The following RAMP1 variants were observed in gnomAD, a reference collection of about 807,000 sequenced individuals.
RAMP1 encodes the protein receptor activity-modifying protein 1.
A neutral mutation model predicts 8.2 loss-of-function variants in RAMP1; 7 were observed. That is an observed-to-expected ratio of 0.85 (90% CI 0.49 to 1.60). The LOEUF (loss-of-function observed/expected upper bound fraction) is 1.60. Ranked by LOEUF, RAMP1 falls within the 40% of genes most tolerant of loss-of-function variation. RAMP1 has a pLI of 0.00. For missense variants in RAMP1, 192 were observed against 202.4 expected (o/e 0.95, Z 0.31); for synonymous variants, 92 against 84.7 (o/e 1.09, Z -0.47).
rs1028910633 is a variant in RAMP1, at chr2:237,862,858, G to C, written c.52+3131G>C. 6.6e-6 allele frequency among the ~76,000 whole-genome samples: 1 copy of C among 152,180 alleles called. No individual in the cohort carries two copies. Among genetic ancestry groups the C allele is most frequent in the Non-Finnish European group, 1.5e-5 (1 of 68,032 alleles). ...AGTCAGTGTTCTGCTGGAACCACGG[G>C]GAAAAGCTGCGTCTTTCCTCCAGGC... On this transcript the variant is annotated intron_variant, in intron 1 of 2. Coordinates refer to ENST00000254661, the MANE Select transcript of RAMP1 (RefSeq NM_005855.4). This position sits in a 1 kb window ranked among gnomAD's most constrained non-coding sequence, Gnocchi z 4.0.
chr2:237,880,102 G>A (rs187016885), intron 2 of RAMP1, among the ~76,000 whole-genome samples: 10 of 152,154 alleles, frequency 6.6e-5, no homozygotes, highest in East Asian at 3.9e-4. Flanking sequence ...TGGGGTCTGC[G>A]TTTGGCAGAA....
chr2:237,859,551 C>A (rs1362112205), upstream of RAMP1: 2 of 561,612 alleles, frequency 3.6e-6, no homozygotes, highest in African/African-American at 4.1e-5. Context: ...CGCGCGGCCG[C>A]CGCCTCCCAC....
chr2:237,898,866 C>CAGTAAGTGGCCA (rs2062570349), intron 2 of RAMP1, among the ~76,000 whole-genome samples: 2 of 152,330 alleles, frequency 1.3e-5, no homozygotes, highest in African/African-American at 4.8e-5. Flanking sequence ...GGAAGTGGCG[C>CAGTAAGTGGCCA]AGTAAGTGGC....
At chr2:237,871,600 G>A (rs771345144) in intron 1 of RAMP1, among the ~76,000 whole-genome samples, 2 of 151,988 alleles carry the variant, frequency 1.3e-5, no homozygotes, top group African/African-American at 4.8e-5. Flanking sequence ...ACCGCCCCCC[G>A]ACCCCAACTC....
chr2:237,880,299 G>A (rs1372036724), intron 2 of RAMP1, among the ~76,000 whole-genome samples: 1 of 152,208 alleles, frequency 6.6e-6, no homozygotes, highest in African/African-American at 2.4e-5. Flanking sequence ...TTGGCTACTG[G>A]AGAGCCTTCA....
At chr2:237,906,180 CA>C (rs993223360) in intron 2 of RAMP1, among the ~76,000 whole-genome samples, 3 of 152,162 alleles carry the variant, frequency 2.0e-5, no homozygotes, top group African/African-American at 7.2e-5. Flanking sequence ...GTCACGACTT[CA>C]TGTGGCTTTT....
In RAMP1 at chr2:237,881,544, G is replaced by A. The variant is rs150315020; in HGVS notation, c.191+4182G>A. On this transcript the variant is annotated intron_variant, in intron 2 of 2. Coordinates refer to ENST00000254661, the MANE Select transcript of RAMP1 (RefSeq NM_005855.4). ...GCCAGTTTGCATTCCCACCAGCAGCGTATGGGGTGCCCGTTTCCCCAGACC... is the reference window on the plus strand; with the variant it reads ...GCCAGTTTGCATTCCCACCAGCAGCATATGGGGTGCCCGTTTCCCCAGACC... 6.8e-3 allele frequency among the ~76,000 whole-genome samples: 1,037 copies of A among 152,354 alleles called. 16 individuals carry two copies. The highest frequency in any genetic ancestry group is 0.024 in the African/African-American group (984 of 41,580).
intron 2 of RAMP1, among the ~76,000 whole-genome samples, chr2:237,895,842 C>T (rs2062537208): frequency 6.6e-6 from 1 of 152,158 alleles, no homozygotes; most frequent in Non-Finnish European, 1.5e-5. Context: ...CCAAATATAG[C>T]TTGCCGGCTG....
intron 2 of RAMP1, among the ~76,000 whole-genome samples, chr2:237,909,528 G>A (rs2062688285): frequency 6.6e-6 from 1 of 152,132 alleles, no homozygotes; most frequent in African/African-American, 2.4e-5. Flanking sequence ...TGAGTCTCAG[G>A]GCTGTTCTGT....
chr2:237,880,334 A>G (rs1234959595), intron 2 of RAMP1, among the ~76,000 whole-genome samples: 1 of 152,170 alleles, frequency 6.6e-6, no homozygotes, highest in African/African-American at 2.4e-5. Context: ...TCCTTTCGAC[A>G]TTGCCCCTGG....
intron 2 of RAMP1, among the ~76,000 whole-genome samples, chr2:237,896,918 G>C (rs1205494375): frequency 6.6e-6 from 1 of 152,154 alleles, no homozygotes; most frequent in African/African-American, 2.4e-5. Context: ...CAAAGTGCTG[G>C]GGTTGCAGGC....
In RAMP1 at chr2:237,865,811, G is replaced by A. The variant is rs1026114051; in HGVS notation, c.52+6084G>A. Reference sequence around the variant, plus strand: ...GGCCAGGGAGGACAGAGAAGGAAACGGGCCCCAGGCACCACTGGGCACCTT... The same window carrying A: ...GGCCAGGGAGGACAGAGAAGGAAACAGGCCCCAGGCACCACTGGGCACCTT... On this transcript the variant is annotated intron_variant, in intron 1 of 2. Transcript: ENST00000254661. The surrounding 1 kb of genome is among the most constrained non-coding windows in gnomAD (Gnocchi z 4.2). 1.3e-5 allele frequency among the ~76,000 whole-genome samples: 2 copies of A among 152,126 alleles called. No individual in the cohort carries two copies. Among genetic ancestry groups the A allele is most frequent in the Admixed American group, 6.5e-5 (1 of 15,272 alleles).
At chr2:237,906,646 C>G (rs1285585075) in intron 2 of RAMP1, among the ~76,000 whole-genome samples, 3 of 148,502 alleles carry the variant, frequency 2.0e-5, no homozygotes, top group African/African-American at 7.4e-5. Flanking sequence ...TTTGACATTT[C>G]TTGTAGCACA....
chr2:237,880,254 G>A (rs926778492), intron 2 of RAMP1, among the ~76,000 whole-genome samples: 1 of 152,170 alleles, frequency 6.6e-6, no homozygotes, highest in African/African-American at 2.4e-5. Context: ...CCGGGGCCCG[G>A]TGCTATCACA....
intron 2 of RAMP1, among the ~76,000 whole-genome samples, chr2:237,906,208 T>A (rs2062649567): frequency 6.6e-6 from 1 of 152,082 alleles, no homozygotes; most frequent in Admixed American, 6.6e-5. Flanking sequence ...TCTGTTTTCT[T>A]CTTGAAACAT....
At chr2:237,893,293 C>A (rs1331182020) in intron 2 of RAMP1, among the ~76,000 whole-genome samples, 1 of 152,134 alleles carries the variant, frequency 6.6e-6, no homozygotes, top group African/African-American at 2.4e-5. Context: ...TCCTTCCTGG[C>A]GTGGTTGCTT....
At chr2:237,867,147 A>G (rs1416943022) in intron 1 of RAMP1, among the ~76,000 whole-genome samples, 1 of 152,178 alleles carries the variant, frequency 6.6e-6, no homozygotes, top group Non-Finnish European at 1.5e-5. Flanking sequence ...AGGTGGGAGG[A>G]TCGCTTGAGT....
At chr2:237,892,232 T>C (rs13382236) in intron 2 of RAMP1, among the ~76,000 whole-genome samples, 22,383 of 151,494 alleles carry the variant, frequency 0.15, 2,384 homozygotes, top group African/African-American at 0.29. Context: ...ACTTTTCTTT[T>C]CCCTCAATTG....
chr2:237,911,898 TTCCAGCC>T lies in RAMP1; in HGVS notation c.*116_*122del. The T allele has an allele frequency of 7.1e-7, 1 of 1,413,682 alleles. No homozygotes were observed. 87.6% of individuals were successfully genotyped at this position (1,413,682 alleles called of 1,614,324 possible). Reference sequence around the variant, plus strand: ...GAGCAGGCCCACAATGCCCCCCTTCTTCCAGCCAAGAAGAGCTCACAGGAGTCCAGAG... The same window carrying T: ...GAGCAGGCCCACAATGCCCCCCTTCTAAGAAGAGCTCACAGGAGTCCAGAG... On this transcript the variant is annotated 3_prime_UTR_variant, in exon 3 of 3. Coordinates refer to ENST00000254661, the MANE Select transcript of RAMP1 (RefSeq NM_005855.4).
Sources: allele counts gnomAD v4.1 joint callset (sites outside exome capture counted in the v4.1 genomes callset), GRCh38; gene constraint gnomAD v4.1.1; non-coding constraint Gnocchi (gnomAD v3.1); transcripts MANE v1.5; gene names NCBI Gene and HGNC (gene_info 2026-07-23, HGNC 2026-07-21).